The following CSTPP1 variants were observed in gnomAD, a reference collection of about 807,000 sequenced individuals.
CSTPP1 encodes the protein centriolar satellite-associated tubulin polyglutamylase complex regulator 1, also known as UPF0705 protein C11orf49.
chr11:47,045,291 T>C, the CSTPP1 span, among the ~76,000 whole-genome samples: 1 of 152,224 alleles, frequency 6.6e-6, no homozygotes, highest in African/African-American at 2.4e-5. Context: ...CTGAAAGAAC[T>C]ACAGGTTTAT....
At chr11:46,936,699 G>A in the CSTPP1 span, 48,198 of 1,527,732 alleles carry the variant, frequency 0.032, 910 homozygotes, top group Non-Finnish European at 0.038. Context: ...ACCTCCTCCA[G>A]CTCCCGTCCC....
At chr11:47,050,536 T>C in the CSTPP1 span, among the ~76,000 whole-genome samples, 4 of 152,198 alleles carry the variant, frequency 2.6e-5, no homozygotes, top group Non-Finnish European at 5.9e-5. Context: ...TTACACAAAA[T>C]TGGCATTTGA....
the CSTPP1 span, among the ~76,000 whole-genome samples, chr11:47,117,287 C>T: frequency 6.6e-6 from 1 of 152,106 alleles, no homozygotes; most frequent in Non-Finnish European, 1.5e-5. Context: ...TGTTTCTTTC[C>T]ATGTTTAGTG....
At chr11:47,030,914 G>A in the CSTPP1 span, among the ~76,000 whole-genome samples, 4 of 152,008 alleles carry the variant, frequency 2.6e-5, no homozygotes, top group African/African-American at 7.2e-5. Context: ...TCTTCATCCC[G>A]TCTATCACTG....
the CSTPP1 span, among the ~76,000 whole-genome samples, chr11:46,947,669 A>C: frequency 6.6e-6 from 1 of 152,206 alleles, no homozygotes; most frequent in African/African-American, 2.4e-5. Flanking sequence ...CTTTGGAGAA[A>C]GTAAGAGCCT....
At chr11:47,157,101 C>G in the CSTPP1 span, 4 of 1,614,050 alleles carry the variant, frequency 2.5e-6, no homozygotes, top group African/African-American at 5.3e-5. Flanking sequence ...GTGCCGACGT[C>G]GTCCAGTGGG....
the CSTPP1 span, among the ~76,000 whole-genome samples, chr11:47,059,292 T>G: frequency 6.6e-6 from 1 of 152,210 alleles, no homozygotes; most frequent in Non-Finnish European, 1.5e-5. Context: ...CTGCACATTC[T>G]GTACATCTAT....
chr11:47,052,455 C>A, the CSTPP1 span: 26 of 1,614,124 alleles, frequency 1.6e-5, no homozygotes, highest in Non-Finnish European at 1.9e-5. Context: ...AGCCACCCCC[C>A]ACAATAGGGT....
the CSTPP1 span, among the ~76,000 whole-genome samples, chr11:47,120,673 T>C: frequency 6.6e-6 from 1 of 152,232 alleles, no homozygotes; most frequent in African/African-American, 2.4e-5. The surrounding 1 kb of genome is among the most constrained non-coding windows in gnomAD (Gnocchi z 4.2). Flanking sequence ...AAAGCTCGAA[T>C]GTGCTTGCCT....
At chr11:47,102,989 GAA>G in the CSTPP1 span, among the ~76,000 whole-genome samples, 131 of 120,516 alleles carry the variant, frequency 1.1e-3, 3 homozygotes, top group African/African-American at 1.7e-3. Flanking sequence ...GTGCCTCACA[GAA>G]AAAAAAAAAA....
At chr11:47,137,170 A>G in the CSTPP1 span, 1 of 814,750 alleles carries the variant, frequency 1.2e-6, no homozygotes, top group South Asian at 1.6e-5. Flanking sequence ...TCTATGCTGT[A>G]CTCTTCTCCC....
chr11:47,130,886 C>G, the CSTPP1 span: 2 of 152,254 alleles, frequency 1.3e-5, no homozygotes, highest in East Asian at 3.8e-4. Context: ...AAAACAATTG[C>G]AGCTGAAAAT....
At chr11:47,153,626 G>C in the CSTPP1 span, among the ~76,000 whole-genome samples, 2 of 152,178 alleles carry the variant, frequency 1.3e-5, no homozygotes, top group Non-Finnish European at 2.9e-5. Flanking sequence ...CCACCTGTAG[G>C]ATTGTTGTGG....
chr11:47,104,517 CT>C, the CSTPP1 span, among the ~76,000 whole-genome samples: 1 of 152,224 alleles, frequency 6.6e-6, no homozygotes, highest in Non-Finnish European at 1.5e-5. Context: ...TTCATTCCCT[CT>C]GTGCAAACTT....
chr11:46,962,210 A>C, the CSTPP1 span, among the ~76,000 whole-genome samples: 1 of 152,238 alleles, frequency 6.6e-6, no homozygotes, highest in Non-Finnish European at 1.5e-5. Context: ...CAGCCAAGCC[A>C]TATCAGGCAC....
At chr11:47,037,817 T>A in the CSTPP1 span, among the ~76,000 whole-genome samples, 1 of 127,884 alleles carries the variant, frequency 7.8e-6, no homozygotes, top group South Asian at 2.5e-4. Context: ...CCATCCGATT[T>A]CTCAATCTTT....
At chr11:47,013,269 G>A in the CSTPP1 span, among the ~76,000 whole-genome samples, 325 of 150,816 alleles carry the variant, frequency 2.2e-3, 2 homozygotes, top group Admixed American at 4.2e-3. Flanking sequence ...AAGTTCCAGG[G>A]TACATGTACA....
chr11:47,153,665 C>T, the CSTPP1 span, among the ~76,000 whole-genome samples: 1 of 152,176 alleles, frequency 6.6e-6, no homozygotes, highest in Non-Finnish European at 1.5e-5. Flanking sequence ...CAGTTAAATA[C>T]CTCAATAGCC....
chr11:47,106,402 C>T, the CSTPP1 span, among the ~76,000 whole-genome samples: 2 of 152,000 alleles, frequency 1.3e-5, no homozygotes, highest in Admixed American at 1.3e-4. Context: ...ATTCAGGGAC[C>T]TAGGCCAAGA....
Sources: gnomAD v4.1 joint callset for allele counts (sites outside exome capture counted in the v4.1 genomes callset) on GRCh38, gnomAD v4.1.1 for gene constraint, Gnocchi (gnomAD v3.1) non-coding constraint, MANE v1.5 for transcripts, NCBI Gene and HGNC (gene_info 2026-07-23, HGNC 2026-07-21) for gene names.